Variants in ZNF385D observed in about 807,000 individuals in gnomAD.
ZNF385D encodes the protein zinc finger protein 659.
Under a neutral mutation model 35.8 loss-of-function variants are expected in ZNF385D, and 15 were observed. The observed-to-expected ratio is 0.42, with a 90% CI of 0.28 to 0.64. The LOEUF (loss-of-function observed/expected upper bound fraction) is 0.64, where lower values mean the gene tolerates loss of function less well. Ranked by LOEUF, ZNF385D falls within the 30% of genes least tolerant of loss-of-function variation. The probability of loss-of-function intolerance (pLI) is 0.23; values close to 1 mark genes in which losing one functional copy is unlikely to be tolerated. For synonymous variants in ZNF385D, 212 were observed against 186.8 expected, an observed-to-expected ratio of 1.13 and a Z score of -1.10; for missense variants, 474 against 494.6, an observed-to-expected ratio of 0.96 and a Z score of 0.39.
intron 3 of ZNF385D, among the ~76,000 whole-genome samples, chr3:22,014,477 A>G (rs1355157112): frequency 6.6e-6 from 1 of 152,178 alleles, no homozygotes; most frequent in Non-Finnish European, 1.5e-5. Context: ...TGGAATGCTC[A>G]TCAAACAAAA....
Position 22,265,728 on chromosome 3 carries a change from C to T in ZNF385D, c.107-96693G>A, listed in dbSNP as rs1160698868. Reference sequence around the variant, plus strand: ...TGAATATCAACCTTCCTGGGCCTCCCGGACAAAGAAAATTATCACTGATCC... The same window carrying T: ...TGAATATCAACCTTCCTGGGCCTCCTGGACAAAGAAAATTATCACTGATCC... On this transcript the variant is annotated intron_variant, in intron 2 of 5. Coordinates refer to the ZNF385D transcript ENST00000494108. Among the ~76,000 whole-genome samples, 4 of 151,928 alleles carry T rather than the reference C, an allele frequency of 2.6e-5. No homozygotes were observed. In the South Asian group the frequency reaches 6.2e-4, roughly 24 times the overall value.
chr3:22,289,189 A>C (rs1231883049), intron 2 of ZNF385D, among the ~76,000 whole-genome samples: 1 of 152,162 alleles, frequency 6.6e-6, no homozygotes, highest in African/African-American at 2.4e-5. Flanking sequence ...TGATTCTGGC[A>C]GAATATTTTC....
chr3:21,946,455 G>C (rs1365856770), intron 3 of ZNF385D, among the ~76,000 whole-genome samples: 1 of 138,792 alleles, frequency 7.2e-6, no homozygotes, highest in Non-Finnish European at 1.5e-5. Context: ...AGTTTTTGAA[G>C]TTTTTCTTTG....
chr3:21,572,177 C>A (rs932168965), intron 2 of ZNF385D, among the ~76,000 whole-genome samples: 3 of 152,122 alleles, frequency 2.0e-5, no homozygotes, highest in African/African-American at 7.2e-5. Context: ...GGTCTAGATA[C>A]TACTATCACT....
At chr3:22,211,396 A>C (rs577293906) in intron 2 of ZNF385D, among the ~76,000 whole-genome samples, 2 of 152,066 alleles carry the variant, frequency 1.3e-5, no homozygotes, top group South Asian at 4.1e-4. Context: ...CTGAGTGGTC[A>C]GTAGATCACA....
At chr3:21,501,293 C>T (rs1046033952) in intron 4 of ZNF385D, among the ~76,000 whole-genome samples, 1 of 152,188 alleles carries the variant, frequency 6.6e-6, no homozygotes, top group Admixed American at 6.5e-5. Flanking sequence ...CTTAAAATCA[C>T]TACATGTGTG....
At chr3:21,945,726 A>C (rs1701749579) in intron 3 of ZNF385D, among the ~76,000 whole-genome samples, 1 of 152,136 alleles carries the variant, frequency 6.6e-6, no homozygotes, top group Non-Finnish European at 1.5e-5. Context: ...CCTTAACTAG[A>C]ATTGCCATGT....
chr3:22,048,058 C>G lies in ZNF385D; in HGVS notation c.325+120759G>C, dbSNP rs376274098. Among the ~76,000 whole-genome samples, 69 of 151,974 alleles carry G rather than the reference C, an allele frequency of 4.5e-4. 1 individual carries two copies. The highest frequency in any genetic ancestry group is 1.4e-3 in the African/African-American group (59 of 41,468). On this transcript the variant is annotated intron_variant, in intron 3 of 5. Transcript: ENST00000494108. Reference sequence around the variant, plus strand: ...TCTATGTCTTCTTTTGAGAAACATCCATTCATTTTTTTCATTTCTTAATCA... The same window carrying G: ...TCTATGTCTTCTTTTGAGAAACATCGATTCATTTTTTTCATTTCTTAATCA...
chr3:21,847,296 A>T (rs1482719376), intron 3 of ZNF385D, among the ~76,000 whole-genome samples: 2 of 152,220 alleles, frequency 1.3e-5, no homozygotes, highest in East Asian at 3.9e-4. Flanking sequence ...TATTCAAAAC[A>T]GTCGTTGCTG....
intron 2 of ZNF385D, among the ~76,000 whole-genome samples, chr3:21,612,174 G>T (rs539835500): frequency 6.6e-6 from 1 of 152,150 alleles, no homozygotes; most frequent in South Asian, 2.1e-4. Flanking sequence ...CGCCTCCCAG[G>T]TCCTGGTTCA....
chr3:22,266,583 G>A (rs1270451779), intron 2 of ZNF385D, among the ~76,000 whole-genome samples: 1 of 151,876 alleles, frequency 6.6e-6, no homozygotes. Flanking sequence ...ACAGGCCAAT[G>A]TAAGAGCCCT....
intron 4 of ZNF385D, among the ~76,000 whole-genome samples, chr3:21,468,785 G>A (rs113648827): frequency 1.4e-4 from 21 of 151,828 alleles, no homozygotes; most frequent in East Asian, 7.8e-4. Flanking sequence ...TTAGCCGGGC[G>A]TAGTGGTGCG....
chr3:21,822,621 T>G (rs908123930), intron 3 of ZNF385D, among the ~76,000 whole-genome samples: 48 of 152,070 alleles, frequency 3.2e-4, no homozygotes, highest in African/African-American at 1.1e-3. Flanking sequence ...CGAAAAAGAA[T>G]GACATGCACA....
chr3:21,976,930 G>T (rs1358427668), intron 3 of ZNF385D, among the ~76,000 whole-genome samples: 1 of 152,234 alleles, frequency 6.6e-6, no homozygotes, highest in Non-Finnish European at 1.5e-5. Context: ...GGAGGTTGCA[G>T]TGAGCCCAGA....
chr3:22,157,083 A>C (rs926683584), intron 3 of ZNF385D, among the ~76,000 whole-genome samples: 2 of 152,118 alleles, frequency 1.3e-5, no homozygotes, highest in Non-Finnish European at 2.9e-5. Context: ...GGTAGCCTCC[A>C]GGCCTGACAG....
chr3:21,811,427 A>G (rs2072917608), intron 3 of ZNF385D, among the ~76,000 whole-genome samples: 1 of 152,192 alleles, frequency 6.6e-6, no homozygotes, highest in South Asian at 2.1e-4. Flanking sequence ...GAAAGTAGAA[A>G]GTTTTTCTAC....
chr3:21,767,010 T>A (rs969699002), intron 3 of ZNF385D, among the ~76,000 whole-genome samples: 2 of 152,036 alleles, frequency 1.3e-5, no homozygotes, highest in Non-Finnish European at 2.9e-5. Flanking sequence ...TCTTTTCAAA[T>A]GTAATTCGTT....
intron 2 of ZNF385D, among the ~76,000 whole-genome samples, chr3:21,585,280 A>C (rs1322786794): frequency 6.6e-6 from 1 of 152,196 alleles, no homozygotes; most frequent in Non-Finnish European, 1.5e-5. Flanking sequence ...ATGATTTAGG[A>C]TCATGTCACT....
chr3:21,999,475 C>T (rs1389818732), intron 3 of ZNF385D, among the ~76,000 whole-genome samples: 1 of 152,060 alleles, frequency 6.6e-6, no homozygotes, highest in Admixed American at 6.5e-5. Flanking sequence ...AATCAGCCAA[C>T]ACCAACATTT....
Sources: allele counts gnomAD v4.1 joint callset (sites outside exome capture counted in the v4.1 genomes callset), GRCh38; gene constraint gnomAD v4.1.1; transcripts MANE v1.5; gene names NCBI Gene and HGNC (gene_info 2026-07-23, HGNC 2026-07-21).